TMEM126A: variants seen among roughly 807,000 people sequenced by gnomAD.
The protein encoded by TMEM126A is optic atrophy 7.
In TMEM126A, 10 loss-of-function variants were observed where a neutral mutation model predicts 18.3. The observed-to-expected ratio is 0.55, with a 90% CI of 0.34 to 0.93. The LOEUF is 0.93. TMEM126A is among the 40% of genes least tolerant of loss of function. The pLI, the probability that TMEM126A is intolerant of heterozygous loss-of-function variation, is 0.02. For missense variants in TMEM126A, 246 were observed against 230.2 expected (o/e 1.07, Z -0.44); for synonymous variants, 68 against 78.1 (o/e 0.87, Z 0.68).
chr11:85,654,040 G>C (rs749345652), intron 2 of TMEM126A, 23 bp from the exon 3 acceptor site: 30 of 1,613,178 alleles, frequency 1.9e-5, no homozygotes, highest in Non-Finnish European at 2.5e-5. Context: ...CCAAAGAAAA[G>C]TTCTTTCTTC....
At chr11:85,654,398 T>C in intron 3 of TMEM126A, 142 bp downstream of exon 3, 1 of 799,026 alleles carries the variant, frequency 1.3e-6, no homozygotes, top group Non-Finnish European at 2.0e-6. Context: ...ATGTGGCAAA[T>C]AATTCATATT....
intron 4 of TMEM126A, 68 bp from the exon 5 acceptor site, chr11:85,656,241 A>G (rs545753463): frequency 7.5e-6 from 10 of 1,332,038 alleles, no homozygotes; most frequent in South Asian, 6.0e-5. Context: ...ACTAATATGT[A>G]TCACAGATGG....
chr11:85,652,731 G>C (rs2082510031), intron 2 of TMEM126A, among the ~76,000 whole-genome samples: 1 of 151,794 alleles, frequency 6.6e-6, no homozygotes, highest in Admixed American at 6.6e-5. Flanking sequence ...GATTTCACTT[G>C]TACTACTTTT....
intron 2 of TMEM126A, 129 bp downstream of exon 2, chr11:85,650,470 C>T: frequency 1.4e-6 from 1 of 737,062 alleles, no homozygotes; most frequent in Non-Finnish European, 2.4e-6. Context: ...CCTTTTCTTG[C>T]CTGGATGAGA....
At chr11:85,656,144 A>C (rs2082536397) in intron 4 of TMEM126A, among the ~76,000 whole-genome samples, 165 bp from the exon 5 acceptor site, 4 of 152,192 alleles carry the variant, frequency 2.6e-5, no homozygotes, top group Admixed American at 2.0e-4. Flanking sequence ...CCTTGAAGCA[A>C]ACTGGATAAA....
In TMEM126A at chr11:85,651,513, G is replaced by A. The variant is rs2082499609; in HGVS notation, c.86+1172G>A. On this transcript the variant is annotated intron_variant, in intron 2 of 4. Transcript: ENST00000304511. ...GGTGAGTGGAGATGGTAGGGGTGGT[G>A]ACAGCTGAGATGAAAAGAGGATGCA... 3.3e-5 allele frequency among the ~76,000 whole-genome samples: 5 copies of A among 152,164 alleles called. 1 individual carries two copies. In the South Asian group the frequency reaches 1.0e-3, roughly 32 times the overall value.
intron 2 of TMEM126A, among the ~76,000 whole-genome samples, chr11:85,651,328 G>A (rs536704483): frequency 4.6e-5 from 7 of 152,286 alleles, no homozygotes; most frequent in South Asian, 4.1e-4. Context: ...CATTGTTACC[G>A]AAGTACTAAG....
In TMEM126A at chr11:85,654,164, C is replaced by A. The variant is rs1490358876; in HGVS notation, c.188C>A (p.Ala63Asp). ...LFRRILNVTK[A>D]RIAAGLPMAG... ...CGACGCATCTTGAATGTGACAAAGG[C>A]TCGCATAGCTGCTGGCTTACCAATG... is the stretch of plus-strand genomic sequence containing the variant. The change falls in exon 3 of 5, where the codon GCT becomes GAT. Residue 63 changes from alanine (A) to aspartate (D), a missense_variant. Ala to Asp is a moderately radical substitution (Grantham distance 126). Transcript: ENST00000304511. 2 of 1,614,192 alleles carry A rather than the reference C, an allele frequency of 1.2e-6. No homozygotes were observed. The highest frequency in any genetic ancestry group is 1.7e-6 in the Non-Finnish European group (2 of 1,180,034).
At chr11:85,656,243 C>A in intron 4 of TMEM126A, 66 bp from the exon 5 acceptor site, 1 of 1,357,968 alleles carries the variant, frequency 7.4e-7, no homozygotes, top group Non-Finnish European at 1.0e-6. Context: ...TAATATGTAT[C>A]ACAGATGGGT....
intron 2 of TMEM126A, 58 bp from the exon 3 acceptor site, chr11:85,654,005 G>A (rs1344336734): frequency 2.5e-5 from 40 of 1,584,578 alleles, no homozygotes; most frequent in Non-Finnish European, 3.1e-5. Flanking sequence ...TGTCAAGATC[G>A]GGAAAGCTCA....
At chr11:85,654,888 T>C (rs2082526545) in intron 3 of TMEM126A, among the ~76,000 whole-genome samples, 1 of 150,686 alleles carries the variant, frequency 6.6e-6, no homozygotes, top group Non-Finnish European at 1.5e-5. Context: ...ATAAATAATA[T>C]GTTGGCTACC....
intron 4 of TMEM126A, 75 bp downstream of exon 4, chr11:85,655,783 T>C (rs2082533646): frequency 3.5e-6 from 4 of 1,148,234 alleles, no homozygotes; most frequent in African/African-American, 3.1e-5. Context: ...ATATATTTTG[T>C]TTTTAAGGCA....
intron 2 of TMEM126A, among the ~76,000 whole-genome samples, chr11:85,652,536 T>C (rs968168696): frequency 6.6e-6 from 1 of 152,212 alleles, no homozygotes; most frequent in African/African-American, 2.4e-5. Context: ...TTTGGGCTAT[T>C]TCATGTCTAT....
At chr11:85,654,329 T>A (rs2082522558) in intron 3 of TMEM126A, 73 bp downstream of exon 3, 2 of 1,380,404 alleles carry the variant, frequency 1.4e-6, no homozygotes, top group South Asian at 1.2e-5. Context: ...CCATACTTAT[T>A]AATATCAAGT....
intron 2 of TMEM126A, among the ~76,000 whole-genome samples, chr11:85,653,800 A>G (rs2082517730): frequency 6.6e-6 from 1 of 152,198 alleles, no homozygotes; most frequent in African/African-American, 2.4e-5. Flanking sequence ...ATCGGTGATT[A>G]TATAAGATAG....
At chr11:85,655,454 C>CT in intron 3 of TMEM126A, 140 bp from the exon 4 acceptor site, 2 of 682,334 alleles carry the variant, frequency 2.9e-6, no homozygotes, top group Non-Finnish European at 5.3e-6. Flanking sequence ...GTAATTATAC[C>CT]TTTTAACAGG....
chr11:85,653,931 A>G, intron 2 of TMEM126A, 132 bp from the exon 3 acceptor site: 2 of 1,063,994 alleles, frequency 1.9e-6, no homozygotes, highest in Middle Eastern at 2.8e-4. Context: ...AATTTTTAAG[A>G]TTTTGGTTCT....
chr11:85,655,680 A>T lies in TMEM126A; in HGVS notation c.367A>T (p.Ile123Leu), dbSNP rs370841561. The change falls in exon 4 of 5, where the codon ATA becomes TTA. Residue 123 changes from isoleucine to leucine, a missense_variant. Ile to Leu is a conservative substitution (Grantham distance 5). Coordinates refer to ENST00000304511, the MANE Select transcript of TMEM126A (RefSeq NM_032273.4). ...IGGLYPVFLA[I>L]PVNGGLAARY... ...TGGTCTATACCCTGTTTTCTTGGCT[A>T]TACCTGTAAATGGTGGTCTAGCAGC... 2 of 1,613,512 alleles carry T rather than the reference A, an allele frequency of 1.2e-6. No individual in the cohort carries two copies. The highest frequency in any genetic ancestry group is 1.7e-6 in the Non-Finnish European group (2 of 1,179,554).
At chr11:85,650,437 A>C in intron 2 of TMEM126A, 96 bp downstream of exon 2, 1 of 947,524 alleles carries the variant, frequency 1.1e-6, no homozygotes, top group African/African-American at 1.6e-5. Context: ...TATAAACAAC[A>C]TGGAATGTGA....
Sources: gnomAD v4.1 joint callset for allele counts (sites outside exome capture counted in the v4.1 genomes callset) on GRCh38, gnomAD v4.1.1 for gene constraint, MANE v1.5 for transcripts, NCBI Gene and HGNC (gene_info 2026-07-23, HGNC 2026-07-21) for gene names.